The following POM121 variants were observed in gnomAD, a reference collection of about 807,000 sequenced individuals.
POM121 encodes POM121 transmembrane nucleoporin, also known as nuclear envelope pore membrane protein POM 121.
Under a neutral mutation model 81.3 loss-of-function variants are expected in POM121, and 32 were observed. The ratio of observed to expected loss-of-function variants is 0.39; its 90% CI spans 0.30 to 0.53. The LOEUF (loss-of-function observed/expected upper bound fraction) is 0.53, where lower values mean the gene tolerates loss of function less well. Ranked by LOEUF, POM121 falls within the 20% of genes least tolerant of loss-of-function variation. POM121 has a pLI of 0.66. For missense variants in POM121, 1,138 were observed against 1,614.6 expected (o/e 0.70, Z 5.06); for synonymous variants, 514 against 694.2 (o/e 0.74, Z 4.08).
chr7:72,895,863 C>T (rs540212169), intron 3 of POM121, among the ~76,000 whole-genome samples: 12 of 151,722 alleles, frequency 7.9e-5, no homozygotes, highest in South Asian at 4.2e-4. Flanking sequence ...GAGCTGAGAT[C>T]GCGCCACTAT....
intron 3 of POM121, among the ~76,000 whole-genome samples, chr7:72,905,686 C>T (rs1793167195): frequency 6.6e-6 from 1 of 152,106 alleles, no homozygotes; most frequent in East Asian, 1.9e-4. Context: ...GGCGACAGAG[C>T]GAGATTCCAT....
intron 1 of POM121, among the ~76,000 whole-genome samples, chr7:72,884,514 CATATAATATATATTTGATAG>C (rs1790492519): frequency 4.5e-5 from 4 of 89,212 alleles, no homozygotes; most frequent in African/African-American, 2.6e-4. Context: ...CAAATATATA[CATATAATATATATTTGATAG>C]CAAATATATA....
intron 4 of POM121, among the ~76,000 whole-genome samples, chr7:72,917,341 C>A (rs1563148303): frequency 6.6e-6 from 1 of 152,176 alleles, no homozygotes; most frequent in South Asian, 2.1e-4. Flanking sequence ...CTTAGCTGGG[C>A]CTGCACTGAC....
chr7:72,929,228 G>A (rs1554498123), intron 4 of POM121, among the ~76,000 whole-genome samples: 1 of 152,114 alleles, frequency 6.6e-6, no homozygotes, highest in East Asian at 1.9e-4. Context: ...AAGGACAATG[G>A]TCTCCAAAAA....
chr7:72,891,899 C>T lies in POM121; in HGVS notation c.-216+789C>T, dbSNP rs191129721. On this transcript the variant is annotated intron_variant, in intron 3 of 15. Coordinates refer to the POM121 transcript ENST00000395270. ...ACCAAAACCTTGTCCTCCACCTGTGCTTGTGAATTGAGTCACAGCTTGTGG... is the reference window on the plus strand; with the variant it reads ...ACCAAAACCTTGTCCTCCACCTGTGTTTGTGAATTGAGTCACAGCTTGTGG... 3.9e-5 allele frequency among the ~76,000 whole-genome samples: 6 copies of T among 152,262 alleles called. No individual in the cohort carries two copies. The East Asian group carries it at 1.2e-3, about 29-fold the overall frequency.
In POM121 at chr7:72,887,611, G is replaced by A. The variant is rs141875535; in HGVS notation, c.-520-3016G>A. On this transcript the variant is annotated intron_variant, in intron 1 of 15. Coordinates refer to the POM121 transcript ENST00000395270. Reference sequence around the variant, plus strand: ...AACAAGGCTAAGGCGGGCAGATCACGAGGTCAGGAGTTCAAGACCAGCCTG... The same window carrying A: ...AACAAGGCTAAGGCGGGCAGATCACAAGGTCAGGAGTTCAAGACCAGCCTG... 9.5e-4 allele frequency among the ~76,000 whole-genome samples: 145 copies of A among 152,258 alleles called. 2 individuals carry two copies. In the East Asian group the frequency reaches 0.026, roughly 27 times the overall value.
intron 3 of POM121, among the ~76,000 whole-genome samples, chr7:72,899,649 G>A (rs1353215509): frequency 6.6e-6 from 1 of 150,608 alleles, no homozygotes; most frequent in Non-Finnish European, 1.5e-5. Flanking sequence ...CGCACTCTCG[G>A]CTCACTGCAA....
At chr7:72,895,770 G>A (rs1161357866) in intron 3 of POM121, among the ~76,000 whole-genome samples, 6 of 151,822 alleles carry the variant, frequency 4.0e-5, no homozygotes, top group African/African-American at 7.3e-5. Flanking sequence ...TTAGCCAGGC[G>A]TGGTGGTGCA....
rs1797154820 is a variant in POM121, at chr7:72,942,235, C to T, written c.2242C>T (p.Pro748Ser). Residue 748 changes from proline (P) to serine (S), a missense_variant, in exon 11 of 13, where the codon CCT (proline) becomes TCT (serine). By Grantham distance (74) the Pro-to-Ser change is moderately conservative. Transcript: ENST00000434423. ...SEKEGPTPPG[P>S]SVTATAPSSS... ...GAAGGAAGGCCCCACACCGCCTGGC[C>T]CTTCAGTCACAGCCACAGCGCCCTC... 6.2e-7 allele frequency: 1 copy of T among 1,609,212 alleles called. No individual in the cohort carries two copies.
In POM121 at chr7:72,942,175, T is replaced by G. The variant is rs879969261; in HGVS notation, c.2182T>G (p.Phe728Val). 1.2e-6 allele frequency: 2 copies of G among 1,609,770 alleles called. No individual in the cohort carries two copies. The highest frequency in any genetic ancestry group is 1.1e-5 in the South Asian group (1 of 90,766). The change falls in exon 11 of 13, where the codon TTC becomes GTC. Residue 728 changes from phenylalanine to valine, a missense_variant. By Grantham distance (50) the Phe-to-Val change is conservative. This residue lies in a region of POM121 where 37 missense variants were observed against 62.8 expected (regional missense o/e 0.59). Coordinates refer to ENST00000434423, the MANE Select transcript of POM121 (RefSeq NM_001387691.1). ...APAASSAPPM[F>V]KPIFTAPPKS... ...TGCTGCATCTTCAGCACCTCCCATG[T>G]TCAAGCCCATTTTCACGGCTCCACC...
upstream of POM121, chr7:72,924,954 A>T: frequency 8.5e-7 from 1 of 1,170,156 alleles, no homozygotes; most frequent in Non-Finnish European, 1.1e-6. Flanking sequence ...AGTCAGAAAC[A>T]GGCGTTAAAG....
chr7:72,911,407 C>T (rs1414243448), intron 3 of POM121, among the ~76,000 whole-genome samples: 1 of 152,010 alleles, frequency 6.6e-6, no homozygotes, highest in Non-Finnish European at 1.5e-5. Flanking sequence ...TCTTGATAAC[C>T]TTCAGGGTGT....
chr7:72,896,791 T>G (rs1384773584), intron 3 of POM121, among the ~76,000 whole-genome samples: 1 of 152,190 alleles, frequency 6.6e-6, no homozygotes, highest in African/African-American at 2.4e-5. Flanking sequence ...TTAGAACATG[T>G]CACATTCATT....
intron 12 of POM121, 32 bp downstream of exon 12, chr7:72,945,740 A>C (rs566468064): frequency 1.3e-6 from 2 of 1,593,520 alleles, no homozygotes; most frequent in Non-Finnish European, 1.7e-6. Flanking sequence ...GGCCCTGCTC[A>C]TCTGTCTGAG....
chr7:72,933,009 G>T (rs1554498844), intron 5 of POM121, among the ~76,000 whole-genome samples: 1 of 150,246 alleles, frequency 6.7e-6, no homozygotes, highest in Non-Finnish European at 1.5e-5. Flanking sequence ...CAGAGATAGC[G>T]CCACTCCACT....
At chr7:72,895,853 G>A (rs1164904857) in intron 3 of POM121, among the ~76,000 whole-genome samples, 1 of 151,798 alleles carries the variant, frequency 6.6e-6, no homozygotes, top group Non-Finnish European at 1.5e-5. Flanking sequence ...AGGCTGCAGT[G>A]AGCTGAGATC....
intron 3 of POM121, among the ~76,000 whole-genome samples, chr7:72,908,780 G>A (rs1393565012): frequency 2.6e-5 from 4 of 152,190 alleles, no homozygotes; most frequent in African/African-American, 9.7e-5. Context: ...AGAGAAATAT[G>A]GCTCTGTTCC....
exon 1 of POM121, chr7:72,879,796 G>C (rs2129574139): frequency 2.0e-6 from 1 of 499,390 alleles, no homozygotes; most frequent in Middle Eastern, 6.0e-4. Context: ...GGACGGGAGG[G>C]GACTTCGCGA....
chr7:72,916,188 G>A (rs546919467), intron 4 of POM121, among the ~76,000 whole-genome samples: 276 of 152,294 alleles, frequency 1.8e-3, no homozygotes, highest in African/African-American at 6.5e-3. Flanking sequence ...GATCCCATTT[G>A]TCAATTTTGG....
Sources: gnomAD v4.1 joint callset for allele counts (sites outside exome capture counted in the v4.1 genomes callset) on GRCh38, gnomAD v4.1.1 for gene constraint, gnomAD v4.1.1 regional missense constraint, MANE v1.5 for transcripts, NCBI Gene and HGNC (gene_info 2026-07-23, HGNC 2026-07-21) for gene names.